Variants in HADHA observed in about 807,000 individuals in gnomAD.
HADHA encodes trifunctional enzyme subunit alpha, mitochondrial.
A neutral mutation model predicts 91.3 loss-of-function variants in HADHA; 59 were observed. The observed-to-expected ratio is 0.65, with a 90% confidence interval of 0.52 to 0.80. HADHA has a LOEUF of 0.80. HADHA is among the 30% of genes least tolerant of loss of function. The pLI is 0.00. For missense variants in HADHA, 800 were observed against 927.6 expected (o/e 0.86, Z 1.79); for synonymous variants, 320 against 338.9 (o/e 0.94, Z 0.61).
chr2:26,197,217 A>G (rs993882846), intron 14 of HADHA, among the ~76,000 whole-genome samples: 3 of 152,180 alleles, frequency 2.0e-5, no homozygotes, highest in African/African-American at 4.8e-5. Flanking sequence ...CATCATTCCA[A>G]ATACTCACAG....
intron 1 of HADHA, among the ~76,000 whole-genome samples, chr2:26,242,927 AT>A (rs1450300381): frequency 6.6e-6 from 1 of 152,080 alleles, no homozygotes; most frequent in Non-Finnish European, 1.5e-5. Context: ...AATTTCTTGT[AT>A]TTTTAGTAGA....
Position 26,229,394 on chromosome 2 carries a change from T to G in HADHA, c.676+798A>C, listed in dbSNP as rs956170670. ...CACACAAAATTAATACATTTACTAT[T>G]ATGTAAGTAATATCTCAATAATGCT... On this transcript the variant is annotated intron_variant, in intron 7 of 19. Transcript: ENST00000380649. The surrounding 1 kb of genome is among the most constrained non-coding windows in gnomAD (Gnocchi z 4.3). Among the ~76,000 whole-genome samples the G allele has an allele frequency of 2.0e-5, 3 of 151,420 alleles. No homozygotes were observed. Among genetic ancestry groups the G allele is most frequent in the Admixed American group, 6.6e-5 (1 of 15,228 alleles).
intron 4 of HADHA, among the ~76,000 whole-genome samples, chr2:26,236,416 G>A (rs201452697): frequency 0.1 from 11,725 of 113,606 alleles, 738 homozygotes; most frequent in Middle Eastern, 0.17. Flanking sequence ...GTGTGTGTGT[G>A]TGTGTATATA....
At position 26,229,630 on chromosome 2, in the gene HADHA, G is replaced by T. The variant is rs1207120201; in HGVS notation, c.676+562C>A. ...AGGTTATGCATGGATAATGATACAG[G>T]TAATTTAAGAACCAAAAATAATGAC... On this transcript the variant is annotated intron_variant, in intron 7 of 19. Coordinates refer to ENST00000380649, the MANE Select transcript of HADHA (RefSeq NM_000182.5). This position sits in a 1 kb window ranked among gnomAD's most constrained non-coding sequence, Gnocchi z 4.3. Among the ~76,000 whole-genome samples, 1 of 152,104 alleles carries T rather than the reference G, an allele frequency of 6.6e-6. No homozygotes were observed. The highest frequency in any genetic ancestry group is 1.9e-4 in the East Asian group (1 of 5,194).
intron 2 of HADHA, 46 bp downstream of exon 2, chr2:26,239,056 C>G (rs1458841210): frequency 6.4e-7 from 1 of 1,570,890 alleles, no homozygotes; most frequent in South Asian, 1.1e-5. Context: ...CAACATAAAT[C>G]CAAAAAGCAA....
intron 6 of HADHA, among the ~76,000 whole-genome samples, chr2:26,230,707 G>A (rs1162045304): frequency 2.0e-5 from 3 of 152,114 alleles, no homozygotes; most frequent in Non-Finnish European, 2.9e-5. Flanking sequence ...GTCACCTGAG[G>A]TTAGGAGTTT....
chr2:26,201,381 C>T, intron 12 of HADHA, 61 bp from the exon 13 acceptor site: 1 of 1,168,994 alleles, frequency 8.6e-7, no homozygotes, highest in Non-Finnish European at 1.3e-6. Flanking sequence ...TATTGAATGT[C>T]CATGGGCCAG....
intron 7 of HADHA, among the ~76,000 whole-genome samples, chr2:26,225,203 G>A (rs1418450828): frequency 1.3e-5 from 2 of 152,020 alleles, no homozygotes; most frequent in Non-Finnish European, 2.9e-5. Context: ...TATAAGAGGA[G>A]GCCAGGCACA....
At chr2:26,241,482 A>C (rs1468391653) in intron 1 of HADHA, among the ~76,000 whole-genome samples, 3 of 151,494 alleles carry the variant, frequency 2.0e-5, no homozygotes, top group African/African-American at 4.9e-5. Context: ...AACAACAAAA[A>C]AAAAAAAACA....
intron 11 of HADHA, among the ~76,000 whole-genome samples, chr2:26,207,079 T>C (rs560925838): frequency 2.8e-4 from 42 of 152,214 alleles, no homozygotes; most frequent in African/African-American, 9.6e-4. Context: ...GTGCCTGTAG[T>C]CTCAGCTACT....
intron 14 of HADHA, 44 bp from the exon 15 acceptor site, chr2:26,195,276 G>A (rs746868060): frequency 6.5e-7 from 1 of 1,543,806 alleles, no homozygotes; most frequent in Non-Finnish European, 9.0e-7. Flanking sequence ...GAATGCGGGT[G>A]AGGAACCTGA....
intron 11 of HADHA, among the ~76,000 whole-genome samples, chr2:26,207,108 A>G (rs963451008): frequency 5.3e-5 from 8 of 152,082 alleles, no homozygotes; most frequent in Non-Finnish European, 2.9e-5. Context: ...AGAGGTGGGA[A>G]GACTGCTTGA....
chr2:26,207,185 G>A (rs1258064971), intron 11 of HADHA, among the ~76,000 whole-genome samples: 1 of 151,926 alleles, frequency 6.6e-6, no homozygotes, highest in African/African-American at 2.4e-5. Context: ...GTGACAGAAT[G>A]AGACCCTGTC....
intron 9 of HADHA, among the ~76,000 whole-genome samples, chr2:26,213,924 C>A (rs899547083): frequency 6.6e-6 from 1 of 152,124 alleles, no homozygotes; most frequent in Non-Finnish European, 1.5e-5. Flanking sequence ...CTGAAAAGTT[C>A]TAAGTTTTAA....
At chr2:26,235,444 A>G (rs1670724380) in intron 4 of HADHA, 1 of 152,252 alleles carries the variant, frequency 6.6e-6, no homozygotes, top group Non-Finnish European at 1.5e-5. Context: ...AAGGATAACT[A>G]GTATATTCTG....
chr2:26,196,764 C>T (rs1406584230), intron 14 of HADHA, among the ~76,000 whole-genome samples: 1 of 152,180 alleles, frequency 6.6e-6, no homozygotes, highest in African/African-American at 2.4e-5. Flanking sequence ...GGAGAGGTTA[C>T]CATCAAATGA....
chr2:26,191,394 C>G lies in HADHA; in HGVS notation c.2148G>C (p.Gly716=), dbSNP rs1271662796. 1.2e-6 allele frequency: 2 copies of G among 1,614,154 alleles called. No individual in the cohort carries two copies. Among genetic ancestry groups the G allele is most frequent in the East Asian group, 2.2e-5 (1 of 44,882 alleles). ...CATACAGATCCACAAAGCGGAAAGG[C>G]CCTGAATAGAGAAAGAGGACTTCGT... ...FGLGFPPCLG[G]PFRFVDLYGA... The change falls in exon 20 of 20, where the codon GGG becomes GGC. Residue 716 remains glycine (G), a splice_region_variant and synonymous_variant. Transcript: ENST00000380649.
chr2:26,243,422 C>A (rs981697815), intron 1 of HADHA, among the ~76,000 whole-genome samples: 1 of 151,674 alleles, frequency 6.6e-6, no homozygotes, highest in African/African-American at 2.4e-5. Context: ...TCATCTCTTT[C>A]CTCAATCCTT....
rs1669611380 is a variant in HADHA at position 26,194,647 on chromosome 2, G to A, written c.1621-9C>T. ...TAGAAGCCAGGTCCATCCTGCCAAG[G>A]AAGAGAACATGAGCTCCCTGGCCCT... On this transcript the variant is annotated splice_polypyrimidine_tract_variant and intron_variant, in intron 15 of 19. Coordinates refer to ENST00000380649, the MANE Select transcript of HADHA (RefSeq NM_000182.5). 1.9e-6 allele frequency: 3 copies of A among 1,596,956 alleles called. No homozygotes were observed. Among genetic ancestry groups the A allele is most frequent in the Admixed American group, 3.3e-5 (2 of 59,964 alleles).
Sources: gnomAD v4.1 joint callset for allele counts (sites outside exome capture counted in the v4.1 genomes callset) on GRCh38, gnomAD v4.1.1 for gene constraint, Gnocchi (gnomAD v3.1) non-coding constraint, MANE v1.5 for transcripts, NCBI Gene and HGNC (gene_info 2026-07-23, HGNC 2026-07-21) for gene names.